The following HLA-DRA variants were observed in gnomAD, a reference collection of about 807,000 sequenced individuals.
The protein encoded by HLA-DRA is major histocompatibility complex, class II, DR alpha.
HLA-DRA carries 8 observed loss-of-function variants against 22.1 expected under a neutral mutation model. The ratio of observed to expected loss-of-function variants is 0.36; its 90% CI spans 0.21 to 0.65. HLA-DRA has a LOEUF of 0.65. Ranked by LOEUF, HLA-DRA falls within the 30% of genes least tolerant of loss-of-function variation. The pLI is 0.63. For synonymous variants in HLA-DRA, 101 were observed against 117.1 expected, an observed-to-expected ratio of 0.86 and a Z score of 0.89; for missense variants, 248 against 321.3, an observed-to-expected ratio of 0.77 and a Z score of 1.74.
At position 32,443,746 on chromosome 6, in the gene HLA-DRA, T is replaced by C. The variant is rs2239804; in HGVS notation, c.611-10T>C. On this transcript the variant is annotated splice_polypyrimidine_tract_variant and intron_variant, in intron 3 of 4. Coordinates refer to ENST00000395388, the MANE Select transcript of HLA-DRA (RefSeq NM_019111.5). ...CTCATTACCATGTACTCTGCCTTATTTCCCCCCAGAGTTTGATGCTCCAAG... is the reference window on the plus strand; with the variant it reads ...CTCATTACCATGTACTCTGCCTTATCTCCCCCCAGAGTTTGATGCTCCAAG... 737,893 of 1,564,834 alleles carry C rather than the reference T, an allele frequency of 0.47. 180,174 individuals are homozygous for C. The highest frequency in any genetic ancestry group is 0.68 in the Middle Eastern group (3,969 of 5,834).
Position 32,442,437 on chromosome 6 carries a change from T to G in HLA-DRA, c.83-11T>G. On this transcript the variant is annotated splice_polypyrimidine_tract_variant and intron_variant, in intron 1 of 4. Transcript: ENST00000395388. ...CCACCCAACTCTCTTTCTCCATTTC[T>G]TGCCTTTCAGAAGAACATGTGATCA... 1 of 1,612,994 alleles carries G rather than the reference T, an allele frequency of 6.2e-7. No homozygotes were observed. Among genetic ancestry groups the G allele is most frequent in the East Asian group, 2.2e-5 (1 of 44,886 alleles).
chr6:32,441,623 T>C (rs116529593), intron 1 of HLA-DRA, among the ~76,000 whole-genome samples: 1 of 152,302 alleles, frequency 6.6e-6, no homozygotes, highest in African/African-American at 2.4e-5. Flanking sequence ...AACCTTCTCA[T>C]AGAGGTAACC....
Position 32,442,709 on chromosome 6 carries a change from C to T in HLA-DRA, c.328+16C>T, listed in dbSNP as rs1191233143. 5.6e-6 allele frequency: 9 copies of T among 1,612,268 alleles called. No individual in the cohort carries two copies. The highest frequency in any genetic ancestry group is 7.6e-6 in the Non-Finnish European group (9 of 1,179,310). On this transcript the variant is annotated intron_variant, in intron 2 of 4. Transcript: ENST00000395388. The stretch of plus-strand genomic sequence containing the variant: ...ATCACCAATGGTACCTCCCTCTCTG[C>T]TGCACTCCTGGACATGGGAATCCAT...
rs565911860 is a variant in HLA-DRA, at chr6:32,442,100, C to T, written c.83-348C>T. On this transcript the variant is annotated intron_variant, in intron 1 of 4. Transcript: ENST00000395388. Reference sequence around the variant, plus strand: ...TGCCCGGGTAAAGAAAGTGAGAGAACATTTCTCTTTAGGGGCTGCTGCTGG... The same window carrying T: ...TGCCCGGGTAAAGAAAGTGAGAGAATATTTCTCTTTAGGGGCTGCTGCTGG... 9.8e-5 allele frequency among the ~76,000 whole-genome samples: 15 copies of T among 152,296 alleles called. No homozygotes were observed. The East Asian group carries it at 2.3e-3, about 24-fold the overall frequency.
chr6:32,443,917 T>G lies in HLA-DRA; in HGVS notation c.*7T>G. On this transcript the variant is annotated 3_prime_UTR_variant, in exon 4 of 5. Transcript: ENST00000395388. ...ACGCAGGGGGCCTCTGTAAGGCACA[T>G]GGAGGTGAGTTAGGTGTGGTCAGAG... The G allele has an allele frequency of 6.3e-7, 1 of 1,583,534 alleles. No individual in the cohort carries two copies. The highest frequency in any genetic ancestry group is 8.6e-7 in the Non-Finnish European group (1 of 1,166,186).
chr6:32,441,972 T>A (rs1317309873), intron 1 of HLA-DRA, among the ~76,000 whole-genome samples: 1 of 152,208 alleles, frequency 6.6e-6, no homozygotes, highest in Non-Finnish European at 1.5e-5. Context: ...ATGTTTTTGA[T>A]CCCAGAGTTT....
intron 1 of HLA-DRA, among the ~76,000 whole-genome samples, chr6:32,441,742 C>A (rs1762634166): frequency 6.6e-6 from 1 of 152,156 alleles, no homozygotes; most frequent in African/African-American, 2.4e-5. Flanking sequence ...TAGATTTGGC[C>A]CTTAAATAAA....
At position 32,443,929 on chromosome 6, in the gene HLA-DRA, A is replaced by G. The variant is rs779308837; in HGVS notation, c.*11+8A>G. 2 of 1,564,578 alleles carry G rather than the reference A, an allele frequency of 1.3e-6. No individual in the cohort carries two copies. Among genetic ancestry groups the G allele is most frequent in the South Asian group, 1.2e-5 (1 of 80,608 alleles). On this transcript the variant is annotated splice_region_variant and intron_variant, in intron 4 of 4. Transcript: ENST00000395388. ...TCTGTAAGGCACATGGAGGTGAGTT[A>G]GGTGTGGTCAGAGGAAGACGTATAT...
At chr6:32,440,720 A>G (rs3135394) in intron 1 of HLA-DRA, among the ~76,000 whole-genome samples, 9,467 of 152,274 alleles carry the variant, frequency 0.062, 452 homozygotes, top group Non-Finnish European at 0.11. Flanking sequence ...GTAGAAAAAT[A>G]AGTAAGGAAA....
chr6:32,443,948 C>A, intron 4 of HLA-DRA, 27 bp downstream of exon 4: 2 of 1,477,834 alleles, frequency 1.4e-6, no homozygotes, highest in South Asian at 3.1e-5. Flanking sequence ...CAGAGGAAGA[C>A]GTATATGGAG....
intron 2 of HLA-DRA, 55 bp from the exon 3 acceptor site, chr6:32,443,130 G>A: frequency 6.8e-7 from 1 of 1,472,484 alleles, no homozygotes; most frequent in Non-Finnish European, 9.5e-7. Context: ...GAGGGAGAGG[G>A]GTGAGCCTAA....
Position 32,442,467 on chromosome 6 carries a change from GGCCGA to G in HLA-DRA, c.104_108del (p.Ala35ValfsTer6). 1 of 1,612,978 alleles carries G rather than the reference GGCCGA, an allele frequency of 6.2e-7. No homozygotes were observed. Among genetic ancestry groups the G allele is most frequent in the Non-Finnish European group, 8.5e-7 (1 of 1,180,020 alleles). On this transcript the variant is annotated frameshift_variant, in exon 2 of 5. Coordinates refer to ENST00000395388, the MANE Select transcript of HLA-DRA (RefSeq NM_019111.5). LOFTEE classifies it high-confidence loss of function. Reference sequence around the variant, plus strand: ...TTTCAGAAGAACATGTGATCATCCAGGCCGAGTTCTATCTGAATCCTGACCAATCA... The same window carrying G: ...TTTCAGAAGAACATGTGATCATCCAGGTTCTATCTGAATCCTGACCAATCA...
intron 1 of HLA-DRA, among the ~76,000 whole-genome samples, chr6:32,440,311 G>T (rs1253429914): frequency 7.2e-6 from 1 of 138,788 alleles, no homozygotes; most frequent in Non-Finnish European, 1.6e-5. Context: ...GGGGGTGGGG[G>T]AGGAAGAATA....
Position 32,443,739 on chromosome 6 carries a change from G to C in HLA-DRA, c.611-17G>C. ...TCCCACACTCATTACCATGTACTCT[G>C]CCTTATTTCCCCCCAGAGTTTGATG... On this transcript the variant is annotated splice_polypyrimidine_tract_variant and intron_variant, in intron 3 of 4. Transcript: ENST00000395388. The C allele has an allele frequency of 1.3e-6, 2 of 1,564,874 alleles. No individual in the cohort carries two copies. Among genetic ancestry groups the C allele is most frequent in the Non-Finnish European group, 1.7e-6 (2 of 1,157,874 alleles).
rs200798853 is a variant in HLA-DRA, at chr6:32,443,409, G to C, written c.553G>C (p.Val185Leu). ...CCCCTTCCTGCCCTCAACTGAGGACGTTTACGACTGCAGGGTGGAGCACTG... is the reference window on the plus strand; with the variant it reads ...CCCCTTCCTGCCCTCAACTGAGGACCTTTACGACTGCAGGGTGGAGCACTG... ...YLPFLPSTED[V>L]YDCRVEHWGL... The change falls in exon 3 of 5, where the codon GTT (valine) becomes CTT (leucine). Residue 185 changes from valine to leucine, a missense_variant. Physicochemically the swap from Val to Leu is conservative, Grantham distance 32 (BLOSUM62 1). Transcript: ENST00000395388. 2 of 1,612,936 alleles carry C rather than the reference G, an allele frequency of 1.2e-6. No individual in the cohort carries two copies. The highest frequency in any genetic ancestry group is 1.7e-6 in the Non-Finnish European group (2 of 1,179,906).
intron 3 of HLA-DRA, 77 bp downstream of exon 3, chr6:32,443,543 G>A: frequency 7.5e-7 from 1 of 1,341,692 alleles, no homozygotes; most frequent in Non-Finnish European, 1.0e-6. Context: ...TGTTCTAACT[G>A]TTTCATAATA....
chr6:32,442,804 C>A (rs779753488), intron 2 of HLA-DRA, 111 bp downstream of exon 2: 8 of 1,315,450 alleles, frequency 6.1e-6, no homozygotes, highest in African/African-American at 4.4e-5. Context: ...AAGGGTCTAA[C>A]CTTGCCATTA....
intron 2 of HLA-DRA, 63 bp from the exon 3 acceptor site, chr6:32,443,122 G>C (rs1762719911): frequency 1.4e-6 from 2 of 1,410,074 alleles, no homozygotes; most frequent in Non-Finnish European, 2.0e-6. Flanking sequence ...GAGCATGGGA[G>C]GGAGAGGGGT....
intron 2 of HLA-DRA, 93 bp from the exon 3 acceptor site, chr6:32,443,092 G>C: frequency 8.7e-7 from 1 of 1,143,126 alleles, no homozygotes; most frequent in Non-Finnish European, 1.3e-6. Context: ...AGGGTTTTTA[G>C]ATACGTTTGT....
Sources: allele counts gnomAD v4.1 joint callset (sites outside exome capture counted in the v4.1 genomes callset), GRCh38; gene constraint gnomAD v4.1.1; transcripts MANE v1.5; gene names NCBI Gene and HGNC (gene_info 2026-07-23, HGNC 2026-07-21).